Variants in FAM81A observed in about 807,000 individuals in gnomAD.
FAM81A encodes protein FAM81A.
Under a neutral mutation model 46.7 loss-of-function variants are expected in FAM81A, and 19 were observed. The ratio of observed to expected loss-of-function variants is 0.41; its 90% CI spans 0.28 to 0.60. The LOEUF is 0.60. Among genes scored for constraint, FAM81A ranks in the 20% least tolerant of loss-of-function variants. The probability of loss-of-function intolerance (pLI) is 0.34; values close to 1 mark genes in which losing one functional copy is unlikely to be tolerated. For missense variants in FAM81A, 377 were observed against 453.5 expected (o/e 0.83, Z 1.53); for synonymous variants, 183 against 152.9 (o/e 1.20, Z -1.45).
At chr15:59,519,982 T>C (rs2082310800) in intron 8 of FAM81A, among the ~76,000 whole-genome samples, 1 of 152,164 alleles carries the variant, frequency 6.6e-6, no homozygotes, top group African/African-American at 2.4e-5. Context: ...TTTAGTAACC[T>C]CTATACCAAG....
intron 4 of FAM81A, among the ~76,000 whole-genome samples, chr15:59,496,289 A>C (rs2082032576): frequency 6.6e-6 from 1 of 152,118 alleles, no homozygotes; most frequent in Non-Finnish European, 1.5e-5. Flanking sequence ...TCCCCCATCA[A>C]ATGGTCTTGG....
intron 1 of FAM81A, among the ~76,000 whole-genome samples, chr15:59,445,842 A>G (rs2081348664): frequency 6.6e-6 from 1 of 152,196 alleles, no homozygotes; most frequent in Non-Finnish European, 1.5e-5. Flanking sequence ...ACATTTGGTA[A>G]TGTATCTTTT....
At chr15:59,409,051 G>A (rs1035930646) in intron 2 of FAM81A, 1 of 151,976 alleles carries the variant, frequency 6.6e-6, no homozygotes, top group Non-Finnish European at 1.5e-5. Flanking sequence ...AAATTAAAAC[G>A]TCATCAAAAG....
At chr15:59,520,713 C>T (rs113709865) in intron 8 of FAM81A, among the ~76,000 whole-genome samples, 10 of 152,040 alleles carry the variant, frequency 6.6e-5, no homozygotes, top group South Asian at 4.2e-4. Flanking sequence ...TACAGGTGTG[C>T]GCCACCATAC....
chr15:59,432,136 A>G lies in FAM81A; in HGVS notation c.-77-26414A>G, dbSNP rs75979827. On this transcript the variant is annotated intron_variant, in intron 2 of 4. Coordinates refer to the FAM81A transcript ENST00000558348. ...CAATTTTTAAACACTGCATCACTCTATATGCCTTTACCTGGCAGGCATGTA... is the reference window on the plus strand; with the variant it reads ...CAATTTTTAAACACTGCATCACTCTGTATGCCTTTACCTGGCAGGCATGTA... Among the ~76,000 whole-genome samples the G allele has an allele frequency of 9.6e-3, 1,458 of 152,306 alleles. 18 individuals are homozygous for G. The highest frequency in any genetic ancestry group is 0.031 in the African/African-American group (1,291 of 41,554).
intron 3 of FAM81A, among the ~76,000 whole-genome samples, chr15:59,480,631 T>C (rs1253566600): frequency 1.3e-5 from 2 of 152,204 alleles, no homozygotes; most frequent in Non-Finnish European, 2.9e-5. Flanking sequence ...CTTTAGTTTT[T>C]CTTGCTGCAA....
chr15:59,439,677 CA>C (rs55893132), intron 1 of FAM81A, among the ~76,000 whole-genome samples: 26,397 of 152,172 alleles, frequency 0.17, 2,699 homozygotes, highest in South Asian at 0.25. Context: ...TAAGCTTCTG[CA>C]AGCTTGTTTA....
Position 59,481,151 on chromosome 15 carries a change from C to G in FAM81A, c.295-11120C>G, listed in dbSNP as rs186530209. ...CTAGGACCAGGGGTGTGCACCACAA[C>G]TCTTGGCTAATTAAAAAAAAAATGT... On this transcript the variant is annotated intron_variant, in intron 3 of 8. Coordinates refer to ENST00000288228, the MANE Select transcript of FAM81A (RefSeq NM_152450.3). 6.3e-3 allele frequency among the ~76,000 whole-genome samples: 962 copies of G among 152,062 alleles called. 6 individuals are homozygous for G. Among genetic ancestry groups the G allele is most frequent in the Non-Finnish European group, 9.7e-3 (660 of 67,988 alleles).
intron 6 of FAM81A, among the ~76,000 whole-genome samples, chr15:59,513,862 A>T (rs1442663250): frequency 6.6e-6 from 1 of 152,006 alleles, no homozygotes; most frequent in Non-Finnish European, 1.5e-5. Context: ...TAAAGAAAAT[A>T]TGGTACTTAT....
At chr15:59,501,559 G>A (rs2082090963) in intron 4 of FAM81A, among the ~76,000 whole-genome samples, 1 of 152,160 alleles carries the variant, frequency 6.6e-6, no homozygotes, top group Non-Finnish European at 1.5e-5. Context: ...CATTGGGTTT[G>A]GTATGTTATG....
At chr15:59,444,025 CT>C (rs1309383778) in intron 1 of FAM81A, 1 of 152,410 alleles carries the variant, frequency 6.6e-6, no homozygotes, top group Non-Finnish European at 1.5e-5. Context: ...AGTGCTTTTC[CT>C]GATGGCCCAG....
chr15:59,512,471 CAAAAAA>C (rs766904849), intron 6 of FAM81A, among the ~76,000 whole-genome samples: 1 of 13,666 alleles, frequency 7.3e-5, no homozygotes, highest in Non-Finnish European at 1.9e-4. Context: ...AACTCCATCT[CAAAAAA>C]AAAAAAAAAA....
chr15:59,422,385 C>T (rs555721128), intron 2 of FAM81A, among the ~76,000 whole-genome samples: 2 of 152,082 alleles, frequency 1.3e-5, no homozygotes, highest in Non-Finnish European at 2.9e-5. Context: ...GAGACCTTGT[C>T]TCTAAAATAA....
intron 1 of FAM81A, among the ~76,000 whole-genome samples, chr15:59,447,946 G>C (rs1049178366): frequency 3.9e-5 from 6 of 152,172 alleles, no homozygotes; most frequent in Non-Finnish European, 8.8e-5. Flanking sequence ...CCTTGACTTT[G>C]AGTCTCCTGC....
chr15:59,510,368 C>CAAA (rs34095489), intron 6 of FAM81A, among the ~76,000 whole-genome samples: 11 of 106,504 alleles, frequency 1.0e-4, no homozygotes, highest in African/African-American at 3.2e-4. Context: ...GACTCTGTCT[C>CAAA]AAAAAAAAAA....
At chr15:59,498,321 T>G (rs1425511810) in intron 4 of FAM81A, among the ~76,000 whole-genome samples, 1 of 152,246 alleles carries the variant, frequency 6.6e-6, no homozygotes, top group Non-Finnish European at 1.5e-5. Context: ...GCAAATCATT[T>G]TGGTTTTTTA....
intron 7 of FAM81A, among the ~76,000 whole-genome samples, chr15:59,516,002 C>A (rs1427692922): frequency 1.3e-5 from 2 of 152,136 alleles, no homozygotes; most frequent in Admixed American, 1.3e-4. Context: ...AGAGCTCCAG[C>A]CATTCTGGCT....
At chr15:59,500,687 C>T (rs2082082335) in intron 4 of FAM81A, among the ~76,000 whole-genome samples, 1 of 150,122 alleles carries the variant, frequency 6.7e-6, no homozygotes, top group Non-Finnish European at 1.5e-5. Context: ...CTTCATTTTT[C>T]TTTCTTTCTT....
In FAM81A at chr15:59,516,640, C is replaced by A; in HGVS notation, c.787-5C>A. 1 of 1,607,812 alleles carries A rather than the reference C, an allele frequency of 6.2e-7. No individual in the cohort carries two copies. Among genetic ancestry groups the A allele is most frequent in the South Asian group, 1.1e-5 (1 of 90,010 alleles). On this transcript the variant is annotated splice_region_variant and splice_polypyrimidine_tract_variant and intron_variant, in intron 7 of 8. Coordinates refer to ENST00000288228, the MANE Select transcript of FAM81A (RefSeq NM_152450.3). ...ATTAAGTGCAGTTCTTATCATGGAT[C>A]TCAGGGAGCCAGTGAAAGGGATATG...
Sources: allele counts gnomAD v4.1 joint callset (sites outside exome capture counted in the v4.1 genomes callset), GRCh38; gene constraint gnomAD v4.1.1; transcripts MANE v1.5; gene names NCBI Gene and HGNC (gene_info 2026-07-23, HGNC 2026-07-21).